CUX1: variants seen among roughly 807,000 people sequenced by gnomAD.
CUX1 encodes cut like homeobox 1, also known as protein CASP.
A neutral mutation model predicts 158.8 loss-of-function variants in CUX1; 31 were observed. The ratio of observed to expected loss-of-function variants is 0.20; its 90% CI spans 0.15 to 0.26. CUX1 has a LOEUF of 0.26. Ranked by LOEUF, CUX1 falls within the 10% of genes least tolerant of loss-of-function variation. The pLI is 1.00. For missense variants in CUX1, 1,589 were observed against 2,014.6 expected (o/e 0.79, Z 4.04); for synonymous variants, 879 against 862.1 (o/e 1.02, Z -0.34).
At chr7:102,265,462 G>A (rs1328968955) in intron 14 of CUX1, among the ~76,000 whole-genome samples, 1 of 151,996 alleles carries the variant, frequency 6.6e-6, no homozygotes, top group Non-Finnish European at 1.5e-5. Context: ...TTAAGAGACA[G>A]GGTCTCACTC....
intron 23 of CUX1, among the ~76,000 whole-genome samples, chr7:102,244,434 C>T (rs184571310): frequency 5.9e-5 from 9 of 152,138 alleles, no homozygotes; most frequent in Non-Finnish European, 1.2e-4. Context: ...GGGCCGGGCA[C>T]GGCCTGTAAT....
intron 2 of CUX1, among the ~76,000 whole-genome samples, chr7:101,940,825 G>C (rs1807621076): frequency 1.3e-5 from 2 of 152,168 alleles, no homozygotes. Flanking sequence ...TCTAGCCCAA[G>C]GATGCCTCAC....
chr7:101,905,864 T>G (rs951866953), intron 1 of CUX1, among the ~76,000 whole-genome samples: 1 of 152,196 alleles, frequency 6.6e-6, no homozygotes. Flanking sequence ...TCTTTTTATT[T>G]TTTTAATGAG....
At chr7:101,821,904 G>C (rs1261991477) in intron 1 of CUX1, among the ~76,000 whole-genome samples, 2 of 147,204 alleles carry the variant, frequency 1.4e-5, no homozygotes, top group Non-Finnish European at 3.0e-5. Context: ...GCCCAGGCTG[G>C]AGTGCAGTGG....
rs1357736065 is a variant in CUX1, at chr7:102,257,246, T to C, written c.*8204T>C. ...CTCCAAGATTGCCGGGGGCCCTGATTTTGTTCTCTCTTTGAAAGAAACCCT... is the reference window on the plus strand; with the variant it reads ...CTCCAAGATTGCCGGGGGCCCTGATCTTGTTCTCTCTTTGAAAGAAACCCT... On this transcript the variant is annotated 3_prime_UTR_variant, in exon 24 of 24. Coordinates refer to ENST00000292535, the MANE Select transcript of CUX1 (RefSeq NM_181552.4). 1 of 985,192 alleles carries C rather than the reference T, an allele frequency of 1.0e-6. No individual in the cohort carries two copies. Among genetic ancestry groups the C allele is most frequent in the African/African-American group, 1.7e-5 (1 of 57,182 alleles). The allele number at this position is 985,192 out of a possible 1,614,324, so 61.0% of individuals were successfully genotyped here.
At chr7:101,942,068 G>A (rs1807785856) in intron 2 of CUX1, among the ~76,000 whole-genome samples, 1 of 152,186 alleles carries the variant, frequency 6.6e-6, no homozygotes, top group Non-Finnish European at 1.5e-5. Flanking sequence ...CCCAGCTTCT[G>A]TTCCAGTAGG....
chr7:101,834,626 GGT>G (rs757374639), intron 1 of CUX1, among the ~76,000 whole-genome samples: 92 of 152,230 alleles, frequency 6.0e-4, no homozygotes, highest in Non-Finnish European at 1.0e-3. Flanking sequence ...TTGTTGCCCT[GGT>G]GCAGAGAGCA....
intron 6 of CUX1, among the ~76,000 whole-genome samples, chr7:102,109,870 A>G (rs1363529816): frequency 3.3e-5 from 5 of 152,114 alleles, no homozygotes; most frequent in African/African-American, 1.2e-4. Context: ...CAACAGATTC[A>G]CTCTCAAAAT....
At chr7:101,882,649 A>G (rs1799835116) in intron 1 of CUX1, among the ~76,000 whole-genome samples, 1 of 152,218 alleles carries the variant, frequency 6.6e-6, no homozygotes, top group Non-Finnish European at 1.5e-5. Context: ...CGGCTCACAC[A>G]GTAGATGCTC....
chr7:102,178,114 C>G (rs538446104), intron 10 of CUX1, among the ~76,000 whole-genome samples: 1 of 152,324 alleles, frequency 6.6e-6, no homozygotes, highest in East Asian at 1.9e-4. Flanking sequence ...GTTGGCCAGG[C>G]TGGTCATGAC....
intron 4 of CUX1, among the ~76,000 whole-genome samples, chr7:102,094,641 G>T (rs201445): frequency 0.61 from 92,327 of 152,098 alleles, 29,945 homozygotes; most frequent in African/African-American, 0.79. Flanking sequence ...TATACTAGGT[G>T]TGTTCTTTAA....
At chr7:101,932,986 A>G (rs940725689) in intron 2 of CUX1, among the ~76,000 whole-genome samples, 1 of 152,236 alleles carries the variant, frequency 6.6e-6, no homozygotes, top group Admixed American at 6.5e-5. Flanking sequence ...AACTTGATAA[A>G]ATGTTTGGCT....
intron 2 of CUX1, among the ~76,000 whole-genome samples, chr7:101,925,810 A>G (rs780892492): frequency 4.5e-4 from 68 of 151,996 alleles, no homozygotes; most frequent in Non-Finnish European, 9.0e-4. Context: ...GTGCGTACCT[A>G]TGGTCCCAGC....
intron 4 of CUX1, among the ~76,000 whole-genome samples, 164 bp downstream of exon 4, chr7:102,070,581 A>G (rs1826017824): frequency 6.6e-6 from 1 of 152,140 alleles, no homozygotes; most frequent in Non-Finnish European, 1.5e-5. Flanking sequence ...ATTCTTCACA[A>G]CCCAGACTTT....
At chr7:101,909,458 C>A (rs1803166745) in intron 1 of CUX1, among the ~76,000 whole-genome samples, 1 of 152,232 alleles carries the variant, frequency 6.6e-6, no homozygotes, top group Non-Finnish European at 1.5e-5. Flanking sequence ...CCCTTTCTAG[C>A]CAGAGAACCC....
rs74350977 is a variant in CUX1 at position 101,984,139 on chromosome 7, C to G, written c.142-43959C>G. Among the ~76,000 whole-genome samples the G allele has an allele frequency of 6.6e-5, 3 of 45,730 alleles. 1 individual carries two copies. Among genetic ancestry groups the G allele is most frequent in the Non-Finnish European group, 1.5e-4 (3 of 20,524 alleles). The allele number at this position is 45,730 out of a possible 152,430, so 30.0% of individuals were successfully genotyped here. A position where few individuals can be genotyped will look rare whatever the true frequency, so the allele number is the denominator to read the frequency against. Reference sequence around the variant, plus strand: ...ATATATATATATATATACACACACACATATATATATGTGTGTGTGTGTGTG... The same window carrying G: ...ATATATATATATATATACACACACAGATATATATATGTGTGTGTGTGTGTG... On this transcript the variant is annotated intron_variant, in intron 2 of 23. Transcript: ENST00000292535.
At chr7:102,264,037 G>A (rs1790621342) in intron 14 of CUX1, among the ~76,000 whole-genome samples, 1 of 105,602 alleles carries the variant, frequency 9.5e-6, no homozygotes, top group Non-Finnish European at 1.8e-5. Flanking sequence ...ACGGAGTCTT[G>A]CTCTGTCACC....
intron 20 of CUX1, 94 bp downstream of exon 20, chr7:102,205,264 A>T: frequency 1.1e-6 from 1 of 927,918 alleles, no homozygotes; most frequent in South Asian, 1.3e-5. Flanking sequence ...ACTCCGAGGG[A>T]CCGCACATTC....
intron 3 of CUX1, among the ~76,000 whole-genome samples, chr7:102,046,069 T>C (rs1822750668): frequency 6.6e-6 from 1 of 152,194 alleles, no homozygotes. Context: ...AACCCCAGAA[T>C]GACTTAGGAA....
Sources: allele counts gnomAD v4.1 joint callset (sites outside exome capture counted in the v4.1 genomes callset), GRCh38; gene constraint gnomAD v4.1.1; transcripts MANE v1.5; gene names NCBI Gene and HGNC (gene_info 2026-07-23, HGNC 2026-07-21).